Variants in ZGRF1 observed in about 807,000 individuals in gnomAD.
The protein encoded by ZGRF1 is 5'-3' DNA helicase ZGRF1.
A neutral mutation model predicts 203.5 loss-of-function variants in ZGRF1; 196 were observed. That is an observed-to-expected ratio of 0.96 (90% CI 0.86 to 1.08). The LOEUF (loss-of-function observed/expected upper bound fraction) is 1.08, where lower values mean the gene tolerates loss of function less well. Ranked by LOEUF, ZGRF1 falls within the 50% of genes least tolerant of loss-of-function variation. The probability of loss-of-function intolerance (pLI) is 0.00; values close to 1 mark genes in which losing one functional copy is unlikely to be tolerated. For synonymous variants in ZGRF1, 809 were observed against 841.3 expected (o/e 0.96, Z 0.66); for missense variants, 2,326 against 2,416.3 (o/e 0.96, Z 0.78).
rs1278979345 is a variant in ZGRF1 at position 112,631,737 on chromosome 4, TC to T, written c.102+192del. ...CTACTGGATAACAGATCTTATTCGT[TC>T]TATCTATTAATGAACTATTTTTATA... On this transcript the variant is annotated intron_variant, in intron 3 of 27. Transcript: ENST00000505019. Among the ~76,000 whole-genome samples, 3 of 150,782 alleles carry T rather than the reference TC, an allele frequency of 2.0e-5. No individual in the cohort carries two copies. In the East Asian group the frequency reaches 5.8e-4, roughly 29 times the overall value.
chr4:112,590,042 A>C (rs1427037325), intron 10 of ZGRF1, among the ~76,000 whole-genome samples, 168 bp from the exon 11 acceptor site: 1 of 152,226 alleles, frequency 6.6e-6, no homozygotes. Flanking sequence ...GGACAGAATA[A>C]ACTTACTAAA....
chr4:112,551,972 G>C (rs371736391), intron 22 of ZGRF1, among the ~76,000 whole-genome samples: 4 of 152,080 alleles, frequency 2.6e-5, no homozygotes, highest in East Asian at 3.9e-4. Flanking sequence ...GTGAAGACAT[G>C]CCACTTTAGA....
At chr4:112,612,333 A>G (rs544331759) in intron 7 of ZGRF1, among the ~76,000 whole-genome samples, 191 bp downstream of exon 7, 1 of 152,320 alleles carries the variant, frequency 6.6e-6, no homozygotes, top group Admixed American at 6.5e-5. Context: ...GTTGCTTAAT[A>G]CTATTAACTA....
chr4:112,628,774 C>A (rs1251466495), intron 3 of ZGRF1: 1 of 440,476 alleles, frequency 2.3e-6, no homozygotes, highest in Non-Finnish European at 4.5e-6. Flanking sequence ...TAATTTGGAA[C>A]CAGAAGACAA....
rs1036589385 is a variant in ZGRF1, at chr4:112,618,344, A to G, written c.1698T>C (p.Asn566=). The G allele has an allele frequency of 1.2e-6, 2 of 1,613,794 alleles. No individual in the cohort carries two copies. The change falls in exon 6 of 28, where the codon AAT becomes AAC. Residue 566 remains asparagine, a synonymous_variant. Coordinates refer to ENST00000505019, the MANE Select transcript of ZGRF1 (RefSeq NM_018392.5). ...TCTTTTGAAAACATGAATTGCCATC[A>G]TTAACCAAAATGTCCTTTACCCAAC... ...SESWVKDILV[N]DGNSCFQKRS...
intron 10 of ZGRF1, among the ~76,000 whole-genome samples, chr4:112,593,765 T>C (rs1748550438): frequency 6.6e-6 from 1 of 152,144 alleles, no homozygotes; most frequent in South Asian, 2.1e-4. Flanking sequence ...TTATCACCCA[T>C]TTTATTATTT....
Position 112,562,426 on chromosome 4 carries a change from T to A in ZGRF1, c.4642A>T (p.Ile1548Phe), listed in dbSNP as rs1742169925. The A allele has an allele frequency of 8.7e-6, 14 of 1,610,828 alleles. No homozygotes were observed. The highest frequency in any genetic ancestry group is 1.1e-5 in the Non-Finnish European group (13 of 1,178,300). ...GTAGCTGGATTAAAGTAGTCCTGAA[T>A]GTTTTTCAAAGTAGTCAGTTCTGTG... is the stretch of plus-strand genomic sequence containing the variant. ...ASTELTTLKN[I>F]QDYFNPATLP... is the part of the protein sequence containing the mutation. The change falls in exon 18 of 28, where the codon ATT becomes TTT. Residue 1548 changes from isoleucine to phenylalanine, a missense_variant. By Grantham distance (21) the Ile-to-Phe change is conservative. Transcript: ENST00000505019.
chr4:112,562,329 C>A, intron 18 of ZGRF1, 42 bp downstream of exon 18: 1 of 1,032,550 alleles, frequency 9.7e-7, no homozygotes, highest in South Asian at 1.4e-5. Context: ...TTCTGATTAC[C>A]ATTTTTTAAT....
At chr4:112,559,904 G>C (rs187432727) in intron 19 of ZGRF1, among the ~76,000 whole-genome samples, 1 of 152,264 alleles carries the variant, frequency 6.6e-6, no homozygotes, top group East Asian at 1.9e-4. Context: ...AACTGGAGAA[G>C]AGACACTCAA....
chr4:112,611,004 T>C (rs1248092274), intron 7 of ZGRF1: 3 of 249,062 alleles, frequency 1.2e-5, no homozygotes, highest in Non-Finnish European at 2.4e-5. Context: ...GGTTTTATTT[T>C]TTTCTTCACT....
chr4:112,570,575 ACT>A (rs369055920), intron 16 of ZGRF1, among the ~76,000 whole-genome samples: 1 of 152,122 alleles, frequency 6.6e-6, no homozygotes, highest in South Asian at 2.1e-4. Context: ...ACAGAGCAAG[ACT>A]CTGTCTCAAA....
intron 19 of ZGRF1, 108 bp from the exon 20 acceptor site, chr4:112,558,417 G>C: frequency 1.1e-6 from 1 of 894,586 alleles, no homozygotes; most frequent in Non-Finnish European, 1.6e-6. Context: ...ACCCAGGCTG[G>C]AGTGCAGTGA....
chr4:112,560,091 T>C (rs1400069314), intron 19 of ZGRF1, among the ~76,000 whole-genome samples: 1 of 152,118 alleles, frequency 6.6e-6, no homozygotes, highest in Non-Finnish European at 1.5e-5. Flanking sequence ...ATGACATAAT[T>C]CCTCAAAATA....
chr4:112,623,760 G>A, intron 4 of ZGRF1, 57 bp downstream of exon 4: 1 of 809,030 alleles, frequency 1.2e-6, no homozygotes, highest in Non-Finnish European at 2.1e-6. Context: ...CATAAAGGAG[G>A]TATTTAAAGA....
intron 3 of ZGRF1, chr4:112,624,110 C>T (rs149142924): frequency 1.9e-4 from 63 of 328,274 alleles, no homozygotes; most frequent in African/African-American, 1.3e-3. Flanking sequence ...GGTCCCCTTC[C>T]ACGCTGTGGA....
At chr4:112,625,582 T>G (rs1578487608) in intron 3 of ZGRF1, among the ~76,000 whole-genome samples, 2 of 85,688 alleles carry the variant, frequency 2.3e-5, no homozygotes, top group Non-Finnish European at 2.2e-5. Flanking sequence ...CGAGATTCCG[T>G]CTCAAAAAAA....
At chr4:112,595,786 A>C (rs1424182374) in intron 10 of ZGRF1, among the ~76,000 whole-genome samples, 1 of 152,218 alleles carries the variant, frequency 6.6e-6, no homozygotes, top group African/African-American at 2.4e-5. Context: ...TTTCACCACA[A>C]TAAATATTTT....
chr4:112,619,519 CT>C lies in ZGRF1; in HGVS notation c.522del (p.Asp175ThrfsTer6), dbSNP rs1560873649. 6.2e-7 allele frequency: 1 copy of C among 1,614,002 alleles called. No homozygotes were observed. The highest frequency in any genetic ancestry group is 1.7e-5 in the Admixed American group (1 of 60,000). ...TTGTAAGTCACAATGTTCTCAGGGT[CT>C]GCCAGTATATTATTTACATCTTTCT... ...VGKKDVNNILADPENIVTYKN... is the reference protein window; with the variant it reads ...VGKKDVNNILXDPENIVTYKN... On this transcript the variant is annotated frameshift_variant, in exon 6 of 28. Transcript: ENST00000505019. LOFTEE classifies it high-confidence loss of function.
chr4:112,554,407 T>C (rs1740571346), intron 21 of ZGRF1, among the ~76,000 whole-genome samples: 1 of 152,024 alleles, frequency 6.6e-6, no homozygotes, highest in Non-Finnish European at 1.5e-5. Context: ...GTATTCACAA[T>C]AGCAAAGACT....
Sources: gnomAD v4.1 joint callset for allele counts (sites outside exome capture counted in the v4.1 genomes callset) on GRCh38, gnomAD v4.1.1 for gene constraint, MANE v1.5 for transcripts, NCBI Gene and HGNC (gene_info 2026-07-23, HGNC 2026-07-21) for gene names.